The following PLEK2 variants were observed in gnomAD, a reference collection of about 807,000 sequenced individuals.
The protein encoded by PLEK2 is pleckstrin-2.
A neutral mutation model predicts 43.8 loss-of-function variants in PLEK2; 29 were observed. That is an observed-to-expected ratio of 0.66 (90% CI 0.49 to 0.90). The LOEUF is 0.90. PLEK2 is among the 40% of genes least tolerant of loss of function. The pLI is 0.00. For synonymous variants in PLEK2, 162 were observed against 173.2 expected, an observed-to-expected ratio of 0.94 and a Z score of 0.51; for missense variants, 398 against 448.1, an observed-to-expected ratio of 0.89 and a Z score of 1.01.
rs2085979400 is a variant in PLEK2 at position 67,392,836 on chromosome 14, C to T, written c.495G>A (p.Val165=). The T allele has an allele frequency of 6.2e-7, 1 of 1,611,314 alleles. No individual in the cohort carries two copies. Among genetic ancestry groups the T allele is most frequent in the Non-Finnish European group, 8.5e-7 (1 of 1,178,166 alleles). The change falls in exon 5 of 9, where the codon GTG becomes GTA. Residue 165 remains valine (V), a synonymous_variant. Transcript: ENST00000216446. ...YKKTFLGSSL[V]DWLISNSFTA... ...TGAAGCTGTTGGAGATGAGCCAGTC[C>T]ACCAGGGAGGAGCCTGGCCAAGGGC... is the stretch of plus-strand genomic sequence containing the variant.
At chr14:67,399,954 A>G (rs7153725) in intron 1 of PLEK2, among the ~76,000 whole-genome samples, 26,961 of 152,176 alleles carry the variant, frequency 0.18, 4,105 homozygotes, top group East Asian at 0.49. Context: ...GGTTCTAACC[A>G]ACAGAGGTGC....
chr14:67,394,577 A>G (rs1191645388), intron 3 of PLEK2, among the ~76,000 whole-genome samples: 1 of 151,954 alleles, frequency 6.6e-6, no homozygotes, highest in East Asian at 1.9e-4. Context: ...GGAGGTGTAC[A>G]GTCAAGATTT....
At position 67,387,367 on chromosome 14, in the gene PLEK2, G is replaced by A. The variant is rs756818204; in HGVS notation, c.1024C>T (p.Arg342Ter). The change falls in exon 9 of 9, where the codon CGA (arginine) becomes TGA (stop). Residue 342 changes from arginine to a stop codon, truncating the protein, a stop_gained. Transcript: ENST00000216446. LOFTEE classifies it high-confidence loss of function. ...TTGATAGCTTCAATCCACTCGGCTCGCTCAGCCTTGCTGCTGGCCTGAATG... is the reference window on the plus strand; with the variant it reads ...TTGATAGCTTCAATCCACTCGGCTCACTCAGCCTTGCTGCTGGCCTGAATG... ...YYIQASSKAE[R>*]AEWIEAIKKL... 3.1e-6 allele frequency: 5 copies of A among 1,610,324 alleles called. No homozygotes were observed. Among genetic ancestry groups the A allele is most frequent in the Middle Eastern group, 1.7e-4 (1 of 6,058 alleles).
At chr14:67,407,672 C>G (rs541629834) in intron 1 of PLEK2, among the ~76,000 whole-genome samples, 48 of 152,136 alleles carry the variant, frequency 3.2e-4, no homozygotes, top group African/African-American at 1.1e-3. Context: ...AACTCCTGGC[C>G]TCAAGCAATC....
chr14:67,395,902 G>C (rs988440225), intron 2 of PLEK2, among the ~76,000 whole-genome samples: 5 of 152,146 alleles, frequency 3.3e-5, no homozygotes, highest in African/African-American at 9.7e-5. Context: ...CTACACTGAA[G>C]AGGGAAATGC....
chr14:67,404,209 C>T (rs1165683963), intron 1 of PLEK2, among the ~76,000 whole-genome samples: 1 of 152,150 alleles, frequency 6.6e-6, no homozygotes, highest in African/African-American at 2.4e-5. Context: ...GAATTCCAAT[C>T]CTAAGAGATG....
intron 1 of PLEK2, among the ~76,000 whole-genome samples, chr14:67,409,431 G>A (rs1490859855): frequency 6.6e-6 from 1 of 152,174 alleles, no homozygotes; most frequent in African/African-American, 2.4e-5. Context: ...CTTTTACAGA[G>A]CTTTACAAAA....
In PLEK2 at chr14:67,387,730, C is replaced by T. The variant is rs147853636; in HGVS notation, c.935-274G>A. ...CCCTATGCTCAAGATGGTAGCATGCCATAGATCTACCATTTCATTTACATC... is the reference window on the plus strand; with the variant it reads ...CCCTATGCTCAAGATGGTAGCATGCTATAGATCTACCATTTCATTTACATC... On this transcript the variant is annotated intron_variant, in intron 8 of 8. Transcript: ENST00000216446. Among the ~76,000 whole-genome samples, 12 of 152,286 alleles carry T rather than the reference C, an allele frequency of 7.9e-5. No individual in the cohort carries two copies. In the East Asian group the frequency reaches 2.1e-3, roughly 27 times the overall value.
At chr14:67,392,085 G>A (rs933195505) in intron 6 of PLEK2, among the ~76,000 whole-genome samples, 1 of 152,242 alleles carries the variant, frequency 6.6e-6, no homozygotes, top group African/African-American at 2.4e-5. Context: ...ATAATTGTGT[G>A]TGTGTGTAGT....
chr14:67,393,059 C>T (rs920563367), intron 4 of PLEK2, 91 bp downstream of exon 4: 87 of 1,065,352 alleles, frequency 8.2e-5, no homozygotes, highest in Non-Finnish European at 1.2e-4. Flanking sequence ...GCAGCTCTGA[C>T]CTCAATACAG....
chr14:67,405,547 T>C (rs192323246), intron 1 of PLEK2, among the ~76,000 whole-genome samples: 1 of 152,344 alleles, frequency 6.6e-6, no homozygotes, highest in African/African-American at 2.4e-5. Context: ...CCCCTCCTTC[T>C]GGTGTTCACA....
chr14:67,411,676 G>C (rs563121019), intron 1 of PLEK2, among the ~76,000 whole-genome samples: 1 of 152,250 alleles, frequency 6.6e-6, no homozygotes, highest in East Asian at 1.9e-4. Flanking sequence ...TACAGAGCAC[G>C]CCTATATTAT....
At chr14:67,408,851 T>TA (rs2086098490) in intron 1 of PLEK2, among the ~76,000 whole-genome samples, 1 of 152,146 alleles carries the variant, frequency 6.6e-6, no homozygotes, top group African/African-American at 2.4e-5. Context: ...ACTATAAACA[T>TA]ATTCAACATC....
At position 67,387,353 on chromosome 14, in the gene PLEK2, A is replaced by C; in HGVS notation, c.1038T>G (p.Ile346Met). 1 of 1,611,260 alleles carries C rather than the reference A, an allele frequency of 6.2e-7. No individual in the cohort carries two copies. The highest frequency in any genetic ancestry group is 1.1e-5 in the South Asian group (1 of 90,280). Residue 346 changes from isoleucine to methionine, a missense_variant, in exon 9 of 9, where the codon ATT (isoleucine) becomes ATG (methionine). Coordinates refer to ENST00000216446, the MANE Select transcript of PLEK2 (RefSeq NM_016445.3). ...GTCATGTTAGCTTTTTGATAGCTTC[A>C]ATCCACTCGGCTCGCTCAGCCTTGC... The part of the protein sequence containing the change: ...ASSKAERAEW[I>M]EAIKKLT
intron 7 of PLEK2, among the ~76,000 whole-genome samples, chr14:67,389,758 A>G (rs1429320743): frequency 6.6e-6 from 1 of 151,144 alleles, no homozygotes; most frequent in Non-Finnish European, 1.5e-5. Flanking sequence ...TAAATACAAA[A>G]CTAAAGTGTT....
chr14:67,392,742 C>G lies in PLEK2; in HGVS notation c.589G>C (p.Gly197Arg). 7 of 1,614,144 alleles carry G rather than the reference C, an allele frequency of 4.3e-6. No individual in the cohort carries two copies. The highest frequency in any genetic ancestry group is 4.2e-6 in the Non-Finnish European group (5 of 1,179,984). ...CGAATGGCTCCCATGCTTCGGACACCCACAGGCCTGAGGAAGTTCTCCTCC... is the reference window on the plus strand; with the variant it reads ...CGAATGGCTCCCATGCTTCGGACACGCACAGGCCTGAGGAAGTTCTCCTCC... Reference protein sequence around the residue: ...LMEENFLRPVGVRSMGAIRSG... With the variant: ...LMEENFLRPVRVRSMGAIRSG... Residue 197 changes from glycine to arginine, a missense_variant, in exon 5 of 9, where the codon GGT becomes CGT. By Grantham distance (125) the Gly-to-Arg change is moderately radical. Coordinates refer to ENST00000216446, the MANE Select transcript of PLEK2 (RefSeq NM_016445.3).
chr14:67,390,256 T>G (rs910686602), intron 7 of PLEK2, among the ~76,000 whole-genome samples: 1 of 152,094 alleles, frequency 6.6e-6, no homozygotes, highest in Non-Finnish European at 1.5e-5. Flanking sequence ...TTTCAAAACA[T>G]AGGTGGGGAA....
At chr14:67,411,794 G>A (rs2086116815) in intron 1 of PLEK2, among the ~76,000 whole-genome samples, 1 of 152,258 alleles carries the variant, frequency 6.6e-6, no homozygotes, top group African/African-American at 2.4e-5. Flanking sequence ...CGCTAACCAA[G>A]TGGGATTCTC....
intron 1 of PLEK2, among the ~76,000 whole-genome samples, chr14:67,403,258 G>T (rs1379211800): frequency 1.3e-5 from 2 of 152,122 alleles, no homozygotes; most frequent in Non-Finnish European, 2.9e-5. Context: ...TGCCCATTTT[G>T]CATTGATGCA....
Sources: allele counts gnomAD v4.1 joint callset (sites outside exome capture counted in the v4.1 genomes callset), GRCh38; gene constraint gnomAD v4.1.1; transcripts MANE v1.5; gene names NCBI Gene and HGNC (gene_info 2026-07-23, HGNC 2026-07-21).